The following ZNF536 variants were observed in gnomAD, a reference collection of about 807,000 sequenced individuals.
The protein encoded by ZNF536 is zinc finger protein 536.
ZNF536 carries 13 observed loss-of-function variants against 84.5 expected under a neutral mutation model. The observed-to-expected ratio is 0.15, with a 90% CI of 0.10 to 0.24. The LOEUF is 0.24. Among genes scored for constraint, ZNF536 ranks in the 10% least tolerant of loss-of-function variants. ZNF536 has a pLI of 1.00. For missense variants in ZNF536, 1,536 were observed against 1,747.5 expected, an observed-to-expected ratio of 0.88 and a Z score of 2.16; for synonymous variants, 811 against 742.5, an observed-to-expected ratio of 1.09 and a Z score of -1.50.
In ZNF536 at chr19:30,602,045, C is replaced by G. The variant is rs545182893; in HGVS notation, c.169+52531C>G. On this transcript the variant is annotated intron_variant, in intron 1 of 1. Transcript: ENST00000592773. ...CCAGGCAGGAGATTCAAGCTGTGCA[C>G]ACTGCAAACTTCTGCTGAAAAGCTT... Among the ~76,000 whole-genome samples, 10 of 152,364 alleles carry G rather than the reference C, an allele frequency of 6.6e-5. No homozygotes were observed. The South Asian group carries it at 2.1e-3, about 32-fold the overall frequency.
Position 30,444,348 on chromosome 19 carries a change from C to G in ZNF536, c.786C>G (p.Ser262Arg), listed in dbSNP as rs751258348. 3.8e-6 allele frequency: 6 copies of G among 1,597,930 alleles called. No homozygotes were observed. Among genetic ancestry groups the G allele is most frequent in the Non-Finnish European group, 5.1e-6 (6 of 1,177,734 alleles). ...CGGTGCCCTCGCCCAAGCCTGCCAG[C>G]GTGCAGGAGGACGCGGTGGCCCCGG... Reference protein sequence around the residue: ...AHPVPSPKPASVQEDAVAPAA... With the variant: ...AHPVPSPKPARVQEDAVAPAA... The change falls in exon 2 of 5, where the codon AGC (serine) becomes AGG (arginine). Residue 262 changes from serine to arginine, a missense_variant. Ser to Arg is a moderately radical substitution (Grantham distance 110). Coordinates refer to ENST00000355537, the MANE Select transcript of ZNF536 (RefSeq NM_014717.3).
intron 1 of ZNF536, among the ~76,000 whole-genome samples, chr19:30,693,866 G>A (rs1244202787): frequency 6.6e-6 from 1 of 152,130 alleles, no homozygotes; most frequent in Non-Finnish European, 1.5e-5. Context: ...GAAGAGAGAT[G>A]TGCGATTCTT....
At chr19:30,636,783 ACCTGGCTGCAG>A (rs1467558707) in intron 1 of ZNF536, among the ~76,000 whole-genome samples, 1 of 152,046 alleles carries the variant, frequency 6.6e-6, no homozygotes, top group Non-Finnish European at 1.5e-5. Context: ...CATTTTCTGG[ACCTGGCTGCAG>A]CCTGTTGCGG....
At position 30,551,438 on chromosome 19, in the gene ZNF536, G is replaced by C. The variant is rs111297532; in HGVS notation, c.3895+1924G>C. On this transcript the variant is annotated intron_variant, in intron 4 of 4. Coordinates refer to ENST00000355537, the MANE Select transcript of ZNF536 (RefSeq NM_014717.3). ...TTATCTCTGGGCTGCAAGCTCCTAG[G>C]AACTTCTCACCTTTTCCCAAAACAG... Among the ~76,000 whole-genome samples the C allele has an allele frequency of 4.1e-3, 630 of 152,228 alleles. 5 individuals carry two copies. Among genetic ancestry groups the C allele is most frequent in the African/African-American group, 0.014 (585 of 41,526 alleles).
intron 1 of ZNF536, among the ~76,000 whole-genome samples, chr19:30,413,118 A>G (rs1032391745): frequency 4.0e-5 from 6 of 151,880 alleles, no homozygotes; most frequent in African/African-American, 1.5e-4. Flanking sequence ...ATTCTCATCC[A>G]TATTGCCACA....
Position 30,444,756 on chromosome 19 carries a change from G to A in ZNF536, c.1194G>A (p.Lys398=), listed in dbSNP as rs957075769. 1 of 1,614,008 alleles carries A rather than the reference G, an allele frequency of 6.2e-7. No homozygotes were observed. The highest frequency in any genetic ancestry group is 1.1e-5 in the South Asian group (1 of 91,090). The part of the protein sequence containing the change: ...LKNHMKVHLN[K]LSVKNKSPSD... The stretch of plus-strand genomic sequence containing the variant: ...ACCACATGAAGGTCCACCTCAACAA[G>A]CTGTCGGTGAAGAACAAGTCCCCCA... Residue 398 remains lysine, a synonymous_variant, in exon 2 of 5, where the codon AAG becomes AAA. Transcript: ENST00000355537.
intron 1 of ZNF536, among the ~76,000 whole-genome samples, chr19:30,688,483 A>G (rs1407041550): frequency 6.6e-6 from 1 of 152,182 alleles, no homozygotes; most frequent in African/African-American, 2.4e-5. Context: ...ATCTACATCC[A>G]TCATATTTTG....
At chr19:30,300,334 T>G (rs1426627976) in intron 2 of ZNF536, 1 of 152,192 alleles carries the variant, frequency 6.6e-6, no homozygotes, top group Non-Finnish European at 1.5e-5. Context: ...CCCCTACATT[T>G]ATTTCCTGGG....
At chr19:30,586,037 C>T (rs4805585) in intron 1 of ZNF536, among the ~76,000 whole-genome samples, 24,466 of 152,200 alleles carry the variant, frequency 0.16, 2,224 homozygotes, top group East Asian at 0.25. Context: ...ATCCCCCAAT[C>T]ACCCCTGCCC....
chr19:30,537,466 C>T (rs943027032), intron 3 of ZNF536, among the ~76,000 whole-genome samples: 1 of 152,180 alleles, frequency 6.6e-6, no homozygotes, highest in Non-Finnish European at 1.5e-5. Context: ...ATTTCCCAGC[C>T]AGGTGGTAAC....
At position 30,473,828 on chromosome 19, in the gene ZNF536, T is replaced by G. The variant is rs551594660; in HGVS notation, c.2170+28096T>G. Among the ~76,000 whole-genome samples the G allele has an allele frequency of 5.8e-4, 88 of 152,274 alleles. 1 individual carries two copies. The highest frequency in any genetic ancestry group is 2.1e-3 in the African/African-American group (86 of 41,558). ...TGCTTACCTTTCTGTTTTAGCTGTCTCTCCTCCAGGGATGAATGTTCGTGA... is the reference window on the plus strand; with the variant it reads ...TGCTTACCTTTCTGTTTTAGCTGTCGCTCCTCCAGGGATGAATGTTCGTGA... On this transcript the variant is annotated intron_variant, in intron 2 of 4. Transcript: ENST00000355537.
At chr19:30,469,976 A>G (rs1025224042) in intron 2 of ZNF536, among the ~76,000 whole-genome samples, 4 of 152,206 alleles carry the variant, frequency 2.6e-5, no homozygotes, top group Non-Finnish European at 4.4e-5. Context: ...CAGCAGCAAC[A>G]GTGGTCTCCA....
chr19:30,695,798 C>A (rs571217080), intron 1 of ZNF536, among the ~76,000 whole-genome samples: 1 of 152,216 alleles, frequency 6.6e-6, no homozygotes, highest in South Asian at 2.1e-4. Context: ...ACCCAGTGGA[C>A]TTGATGGTAC....
At chr19:30,282,282 C>T (rs1405546464) in intron 1 of ZNF536, among the ~76,000 whole-genome samples, 1 of 152,258 alleles carries the variant, frequency 6.6e-6, no homozygotes, top group Non-Finnish European at 1.5e-5. Flanking sequence ...AGGTCAGACA[C>T]CCTTGCATAA....
At chr19:30,644,342 G>A (rs2049380992) in intron 1 of ZNF536, among the ~76,000 whole-genome samples, 1 of 152,070 alleles carries the variant, frequency 6.6e-6, no homozygotes, top group East Asian at 1.9e-4. Flanking sequence ...AAAATGGAGA[G>A]AAAGCCTATA....
intron 4 of ZNF536, among the ~76,000 whole-genome samples, chr19:30,549,722 G>T (rs1167540872): frequency 6.6e-6 from 1 of 152,166 alleles, no homozygotes; most frequent in African/African-American, 2.4e-5. Context: ...GTTCTAATTT[G>T]CATTATAATG....
In ZNF536 at chr19:30,331,815, C is replaced by T. The variant is rs2047220932; in HGVS notation, c.-119-20553C>T. On this transcript the variant is annotated intron_variant, in intron 2 of 5. Coordinates refer to the ZNF536 transcript ENST00000585628. ...ATCATTGGTGTGCTCACCCAGGGAC[C>T]CTTCAGCTTCCTCCCTGTCCCCTGC... 3.3e-5 allele frequency among the ~76,000 whole-genome samples: 5 copies of T among 152,158 alleles called. No homozygotes were observed. In the South Asian group the frequency reaches 1.0e-3, roughly 32 times the overall value.
At chr19:30,632,479 G>T (rs140259732) in intron 1 of ZNF536, among the ~76,000 whole-genome samples, 1 of 152,098 alleles carries the variant, frequency 6.6e-6, no homozygotes, top group Non-Finnish European at 1.5e-5. Flanking sequence ...GGTGGCAGGC[G>T]CCTGTAATCC....
intron 1 of ZNF536, among the ~76,000 whole-genome samples, chr19:30,441,225 G>T (rs1568430346): frequency 6.6e-6 from 1 of 152,242 alleles, no homozygotes; most frequent in Non-Finnish European, 1.5e-5. Context: ...GGCAGCCTTT[G>T]GAAGTGGGCC....
Sources: allele counts gnomAD v4.1 joint callset (sites outside exome capture counted in the v4.1 genomes callset), GRCh38; gene constraint gnomAD v4.1.1; transcripts MANE v1.5; gene names NCBI Gene and HGNC (gene_info 2026-07-23, HGNC 2026-07-21).